SERAC1: variants seen among roughly 807,000 people sequenced by gnomAD.
SERAC1 encodes the protein serine active site containing 1.
A neutral mutation model predicts 85.7 loss-of-function variants in SERAC1; 36 were observed. The ratio of observed to expected loss-of-function variants is 0.42; its 90% CI spans 0.32 to 0.55. The LOEUF is 0.55. SERAC1 is among the 20% of genes least tolerant of loss of function. The pLI is 0.11. For missense variants in SERAC1, 629 were observed against 796.2 expected, an observed-to-expected ratio of 0.79 and a Z score of 2.53; for synonymous variants, 242 against 265.3, an observed-to-expected ratio of 0.91 and a Z score of 0.85.
intron 1 of SERAC1, among the ~76,000 whole-genome samples, chr6:158,167,870 C>G (rs1452133338): frequency 6.6e-6 from 1 of 152,086 alleles, no homozygotes; most frequent in African/African-American, 2.4e-5. Context: ...ACTACCGAGC[C>G]CGGGAAGACG....
At chr6:158,147,418 T>C (rs1785090445) in intron 5 of SERAC1, among the ~76,000 whole-genome samples, 1 of 151,902 alleles carries the variant, frequency 6.6e-6, no homozygotes, top group Non-Finnish European at 1.5e-5. Context: ...TTAAAATCTT[T>C]TTCTCCCCAA....
chr6:158,160,789 A>G (rs1171801065), intron 1 of SERAC1: 1 of 152,194 alleles, frequency 6.6e-6, no homozygotes, highest in African/African-American at 2.4e-5. Context: ...CCAAATGAGA[A>G]TATTAGAATG....
intron 8 of SERAC1, among the ~76,000 whole-genome samples, chr6:158,132,399 G>A (rs1784698131): frequency 1.3e-5 from 2 of 152,026 alleles, no homozygotes; most frequent in African/African-American, 4.8e-5. Context: ...TTAAACTGAG[G>A]ACTGAGATGG....
Position 158,123,426 on chromosome 6 carries a change from G to A in SERAC1, c.1016-2851C>T, listed in dbSNP as rs375688619. Among the ~76,000 whole-genome samples the A allele has an allele frequency of 3.0e-4, 45 of 152,320 alleles. No homozygotes were observed. The East Asian group carries it at 6.7e-3, about 23-fold the overall frequency. On this transcript the variant is annotated intron_variant, in intron 10 of 16. Transcript: ENST00000647468. The stretch of plus-strand genomic sequence containing the variant: ...AAAGAACAGGGTTTGGTTTTTGTTA[G>A]TGAGAAAATTCCTTTTAGGGCTTCA...
intron 3 of SERAC1, chr6:158,151,155 T>G (rs1785194962): frequency 6.6e-6 from 1 of 152,518 alleles, no homozygotes. Flanking sequence ...TGGGACAAGA[T>G]GCGGAGGTGG....
intron 9 of SERAC1, among the ~76,000 whole-genome samples, chr6:158,128,769 G>A (rs753816324): frequency 1.3e-5 from 2 of 152,072 alleles, no homozygotes; most frequent in African/African-American, 4.8e-5. Flanking sequence ...ACAGCTATGG[G>A]GCTGGCCTCA....
chr6:158,156,042 G>C (rs895924064), intron 2 of SERAC1, among the ~76,000 whole-genome samples: 1 of 152,102 alleles, frequency 6.6e-6, no homozygotes, highest in Non-Finnish European at 1.5e-5. Context: ...CCAGCTGCTC[G>C]GGAGGCTAAG....
intron 8 of SERAC1, among the ~76,000 whole-genome samples, chr6:158,137,479 C>T (rs1011689841): frequency 2.0e-4 from 31 of 151,902 alleles, no homozygotes; most frequent in Non-Finnish European, 1.5e-5. Flanking sequence ...TGTGATCTGC[C>T]CAAGCAGAAT....
intron 2 of SERAC1, among the ~76,000 whole-genome samples, chr6:158,156,006 A>G (rs1166050299): frequency 6.6e-6 from 1 of 151,996 alleles, no homozygotes; most frequent in African/African-American, 2.4e-5. Flanking sequence ...AAAATTATCC[A>G]GGCATGGTGG....
At position 158,163,303 on chromosome 6, in the gene SERAC1, G is replaced by A. The variant is rs138866844; in HGVS notation, c.-2+4837C>T. On this transcript the variant is annotated intron_variant, in intron 1 of 16. Transcript: ENST00000647468. Reference sequence around the variant, plus strand: ...GTAACTTCTAAACTTTCCTTTACACGAGATATATGAGGTTGCTGCCAGCAT... The same window carrying A: ...GTAACTTCTAAACTTTCCTTTACACAAGATATATGAGGTTGCTGCCAGCAT... Among the ~76,000 whole-genome samples, 39 of 152,218 alleles carry A rather than the reference G, an allele frequency of 2.6e-4. 1 individual carries two copies. Among genetic ancestry groups the A allele is most frequent in the Admixed American group, 2.4e-3 (37 of 15,286 alleles).
intron 8 of SERAC1, among the ~76,000 whole-genome samples, chr6:158,142,003 C>T (rs925573400): frequency 6.6e-6 from 1 of 151,254 alleles, no homozygotes; most frequent in Non-Finnish European, 1.5e-5. Flanking sequence ...TGACAAAATA[C>T]GTTCCTCTCA....
intron 8 of SERAC1, among the ~76,000 whole-genome samples, chr6:158,141,480 T>G (rs1430817114): frequency 6.6e-6 from 1 of 152,202 alleles, no homozygotes; most frequent in Admixed American, 6.5e-5. Flanking sequence ...CACCATAAAT[T>G]TAAGACCTTT....
intron 2 of SERAC1, among the ~76,000 whole-genome samples, chr6:158,156,846 T>TAATATA (rs1785351354): frequency 1.0e-5 from 1 of 97,260 alleles, no homozygotes; most frequent in African/African-American, 3.5e-5. Flanking sequence ...ATAAATATAT[T>TAATATA]TTATATATAA....
At chr6:158,149,272 G>A (rs1420493606) in intron 4 of SERAC1, among the ~76,000 whole-genome samples, 7 of 152,192 alleles carry the variant, frequency 4.6e-5, no homozygotes, top group African/African-American at 9.6e-5. Flanking sequence ...GATTACAGGC[G>A]TGAGCCATCA....
chr6:158,164,480 A>T (rs949205170), intron 1 of SERAC1, among the ~76,000 whole-genome samples: 77 of 151,464 alleles, frequency 5.1e-4, no homozygotes, highest in African/African-American at 9.7e-4. Flanking sequence ...ATCTCAAAAA[A>T]ATATATATAT....
At chr6:158,143,299 G>T in intron 7 of SERAC1, 115 bp from the exon 8 acceptor site, 1 of 984,844 alleles carries the variant, frequency 1.0e-6, no homozygotes, top group Non-Finnish European at 1.4e-6. Context: ...TATATTATGT[G>T]TGCATGTCTC....
intron 16 of SERAC1, 85 bp downstream of exon 16, chr6:158,113,364 C>A: frequency 1.8e-6 from 2 of 1,084,630 alleles, no homozygotes; most frequent in Non-Finnish European, 1.4e-6. Context: ...AAACTGAGAA[C>A]CTGGATATAA....
intron 1 of SERAC1, 121 bp downstream of exon 1, chr6:158,168,019 C>A (rs1785649674): frequency 6.6e-6 from 1 of 152,010 alleles, no homozygotes; most frequent in African/African-American, 2.4e-5. Context: ...CCGGTCCGCG[C>A]GCCAGACGGC....
intron 8 of SERAC1, among the ~76,000 whole-genome samples, chr6:158,131,247 G>A (rs958392472): frequency 2.8e-4 from 41 of 148,836 alleles, no homozygotes; most frequent in Non-Finnish European, 4.9e-4. Flanking sequence ...ACATAAAGTT[G>A]TTAGGAAAAT....
Sources: gnomAD v4.1 joint callset for allele counts (sites outside exome capture counted in the v4.1 genomes callset) on GRCh38, gnomAD v4.1.1 for gene constraint, MANE v1.5 for transcripts, NCBI Gene and HGNC (gene_info 2026-07-23, HGNC 2026-07-21) for gene names.